TMTC2: variants seen among roughly 807,000 people sequenced by gnomAD.
TMTC2 encodes the protein transmembrane O-mannosyltransferase targeting cadherins 2.
In TMTC2, 43 loss-of-function variants were observed where a neutral mutation model predicts 82.4. The observed-to-expected ratio is 0.52, with a 90% confidence interval of 0.41 to 0.67. The LOEUF is 0.67. TMTC2 is among the 30% of genes least tolerant of loss of function. The pLI is 0.00. For missense variants in TMTC2, 919 were observed against 1,012.4 expected (o/e 0.91, Z 1.25); for synonymous variants, 408 against 381.9 (o/e 1.07, Z -0.80).
chr12:83,045,348 A>G (rs1437547023), intron 9 of TMTC2, among the ~76,000 whole-genome samples: 2 of 152,194 alleles, frequency 1.3e-5, no homozygotes, highest in Non-Finnish European at 2.9e-5. Flanking sequence ...ACAAATTACA[A>G]CCAAAGAAAT....
chr12:82,985,875 T>C, intron 7 of TMTC2, 50 bp from the exon 8 acceptor site: 7 of 1,588,766 alleles, frequency 4.4e-6, no homozygotes, highest in Non-Finnish European at 6.0e-6. Context: ...GCAAATAATG[T>C]GGAAAAGCTG....
At chr12:82,706,214 C>T (rs1873343033) in intron 1 of TMTC2, among the ~76,000 whole-genome samples, 1 of 150,602 alleles carries the variant, frequency 6.6e-6, no homozygotes, top group African/African-American at 2.4e-5. Context: ...GAGGCTGAGG[C>T]AGGAGAATCG....
At chr12:83,083,963 C>G (rs1484550616) in intron 11 of TMTC2, among the ~76,000 whole-genome samples, 1 of 152,194 alleles carries the variant, frequency 6.6e-6, no homozygotes, top group African/African-American at 2.4e-5. Context: ...ACTTTTAACT[C>G]TTGCTGAATG....
At chr12:83,124,604 G>A (rs756051394) in intron 11 of TMTC2, among the ~76,000 whole-genome samples, 2 of 150,886 alleles carry the variant, frequency 1.3e-5, no homozygotes, top group African/African-American at 2.4e-5. Flanking sequence ...GTCAGAGAGG[G>A]TGGAAGAAGG....
Position 82,727,507 on chromosome 12 carries a change from G to T in TMTC2, c.83+39838G>T, listed in dbSNP as rs555963115. Among the ~76,000 whole-genome samples, 3 of 151,924 alleles carry T rather than the reference G, an allele frequency of 2.0e-5. No individual in the cohort carries two copies. In the East Asian group the frequency reaches 5.8e-4, roughly 30 times the overall value. Reference sequence around the variant, plus strand: ...TCACGGTGGAGGGTGGATCACCTGAGGTCAGGAGGTTAAGACCAGCCTGAC... The same window carrying T: ...TCACGGTGGAGGGTGGATCACCTGATGTCAGGAGGTTAAGACCAGCCTGAC... On this transcript the variant is annotated intron_variant, in intron 1 of 11. Coordinates refer to ENST00000321196, the MANE Select transcript of TMTC2 (RefSeq NM_152588.3).
chr12:83,115,467 T>C (rs1884722610), intron 11 of TMTC2, among the ~76,000 whole-genome samples: 1 of 152,168 alleles, frequency 6.6e-6, no homozygotes, highest in African/African-American at 2.4e-5. Context: ...TTTTATCCTT[T>C]TTGTATTCTG....
intron 1 of TMTC2, among the ~76,000 whole-genome samples, chr12:82,691,394 A>G (rs1565709917): frequency 6.6e-6 from 1 of 152,178 alleles, no homozygotes; most frequent in Non-Finnish European, 1.5e-5. Context: ...AATTACATCA[A>G]GCTCTTAATA....
chr12:82,710,718 A>G (rs1873582443), intron 1 of TMTC2, among the ~76,000 whole-genome samples: 1 of 152,210 alleles, frequency 6.6e-6, no homozygotes, highest in South Asian at 2.1e-4. Context: ...GACTACTGGG[A>G]GTCCTTGGGT....
chr12:82,928,080 A>G (rs951704868), intron 3 of TMTC2, among the ~76,000 whole-genome samples: 3 of 152,182 alleles, frequency 2.0e-5, no homozygotes, highest in African/African-American at 7.2e-5. Context: ...TATTTGAGAT[A>G]TAAGTATCAA....
At chr12:82,804,857 C>T (rs1427358776) in intron 1 of TMTC2, among the ~76,000 whole-genome samples, 1 of 152,084 alleles carries the variant, frequency 6.6e-6, no homozygotes, top group African/African-American at 2.4e-5. Flanking sequence ...ATGGGCCCTA[C>T]GTAAACACAG....
chr12:83,039,493 A>G (rs1333281261), intron 9 of TMTC2, among the ~76,000 whole-genome samples: 2 of 152,080 alleles, frequency 1.3e-5, no homozygotes, highest in Non-Finnish European at 2.9e-5. Flanking sequence ...AATTCATAAT[A>G]TAATAGTACA....
chr12:82,749,739 C>CTTTTTTTTTTTTTTTTT (rs71068950), intron 1 of TMTC2, among the ~76,000 whole-genome samples: 2 of 127,164 alleles, frequency 1.6e-5, no homozygotes, highest in Non-Finnish European at 3.2e-5. Flanking sequence ...TTCTTTCTTT[C>CTTTTTTTTTTTTTTTTT]TTTTTTTTTT....
At chr12:82,711,012 T>C (rs1027810901) in intron 1 of TMTC2, among the ~76,000 whole-genome samples, 2 of 152,242 alleles carry the variant, frequency 1.3e-5, no homozygotes, top group Non-Finnish European at 2.9e-5. Context: ...GTTTCCTACA[T>C]GACATCCAAG....
Position 83,061,815 on chromosome 12 carries a change from C to T in TMTC2, c.2315C>T (p.Ala772Val). 1 of 1,595,346 alleles carries T rather than the reference C, an allele frequency of 6.3e-7. No individual in the cohort carries two copies. The highest frequency in any genetic ancestry group is 1.2e-5 in the South Asian group (1 of 86,054). The change falls in exon 11 of 12, where the codon GCC becomes GTC. Residue 772 changes from alanine to valine, a missense_variant. By Grantham distance (64) the Ala-to-Val change is moderately conservative (BLOSUM62 0). Coordinates refer to ENST00000321196, the MANE Select transcript of TMTC2 (RefSeq NM_152588.3). ...GCTGAGAAGTATTATGATCTGGCAG[C>T]CAGGCTGAGGCCTAATGTAAGTACT... ...EAAEKYYDLA[A>V]RLRPNYPAAL...
chr12:82,986,208 G>T, intron 8 of TMTC2, 162 bp downstream of exon 8: 2 of 917,214 alleles, frequency 2.2e-6, no homozygotes, highest in Non-Finnish European at 3.2e-6. Context: ...AGAAAAATGT[G>T]TTACTTTGCC....
intron 11 of TMTC2, among the ~76,000 whole-genome samples, chr12:83,073,441 G>C (rs1883184535): frequency 6.6e-6 from 1 of 152,136 alleles, no homozygotes; most frequent in African/African-American, 2.4e-5. Flanking sequence ...TGGATAACCT[G>C]ATGACAATGT....
At chr12:82,986,311 T>G in intron 8 of TMTC2, 1 of 389,770 alleles carries the variant, frequency 2.6e-6, no homozygotes, top group African/African-American at 2.0e-5. Context: ...CATCTTGGTC[T>G]AGATAAGATG....
chr12:83,132,180 T>G (rs1203892824), intron 11 of TMTC2, 30 bp from the exon 12 acceptor site: 1 of 1,570,028 alleles, frequency 6.4e-7, no homozygotes. Context: ...AATGGCCTCC[T>G]AATTGTTTTC....
chr12:82,706,375 T>C (rs1025778149), intron 1 of TMTC2, among the ~76,000 whole-genome samples: 4 of 140,926 alleles, frequency 2.8e-5, no homozygotes, highest in African/African-American at 7.9e-5. Context: ...AGGAGAAATA[T>C]GTAGGGAGAG....
Sources: allele counts gnomAD v4.1 joint callset (sites outside exome capture counted in the v4.1 genomes callset), GRCh38; gene constraint gnomAD v4.1.1; transcripts MANE v1.5; gene names NCBI Gene and HGNC (gene_info 2026-07-23, HGNC 2026-07-21).